The following TXNDC16 variants were observed in gnomAD, a reference collection of about 807,000 sequenced individuals.
The protein encoded by TXNDC16 is thioredoxin domain containing 16.
A neutral mutation model predicts 85.6 loss-of-function variants in TXNDC16; 74 were observed. That is an observed-to-expected ratio of 0.86 (90% CI 0.72 to 1.05). TXNDC16 has a LOEUF of 1.05. Among genes scored for constraint, TXNDC16 ranks in the 50% least tolerant of loss-of-function variants. TXNDC16 has a pLI of 0.00. For synonymous variants in TXNDC16, 335 were observed against 326.5 expected (o/e 1.03, Z -0.28); for missense variants, 959 against 947.0 (o/e 1.01, Z -0.17).
At chr14:52,532,308 G>A (rs552852527) in intron 6 of TXNDC16, among the ~76,000 whole-genome samples, 1 of 152,222 alleles carries the variant, frequency 6.6e-6, no homozygotes, top group South Asian at 2.1e-4. Flanking sequence ...TGAGGCCACA[G>A]TGTGATATAA....
intron 20 of TXNDC16, among the ~76,000 whole-genome samples, chr14:52,437,521 A>AGAAG (rs1251905672): frequency 3.3e-5 from 5 of 152,182 alleles, no homozygotes; most frequent in African/African-American, 1.2e-4. Context: ...ATACCCCATA[A>AGAAG]GCACAAGCAA....
At chr14:52,476,850 A>T (rs902293770) in intron 14 of TXNDC16, among the ~76,000 whole-genome samples, 10 of 152,192 alleles carry the variant, frequency 6.6e-5, no homozygotes, top group Admixed American at 5.9e-4. Flanking sequence ...TCACAAGAAG[A>T]TCAATGCCTA....
intron 6 of TXNDC16, among the ~76,000 whole-genome samples, chr14:52,528,934 CTATAATACCTATTCTATATATTATCTA>C (rs1231379191): frequency 1.4e-4 from 20 of 146,682 alleles, no homozygotes; most frequent in African/African-American, 4.7e-4. Flanking sequence ...TATATATTGT[CTATAATACCTATTCTATATATTATCTA>C]TATAATACCT....
rs112880111 is a variant in TXNDC16, at chr14:52,440,670, A to G, written c.1897T>C (p.Leu633=). 3.8e-4 allele frequency: 618 copies of G among 1,609,998 alleles called. 1 individual carries two copies. In the African/African-American group the frequency reaches 6.5e-3, roughly 17 times the overall value. The change falls in exon 19 of 21, where the codon TTG becomes CTG. Residue 633 remains leucine (L), a synonymous_variant. Transcript: ENST00000281741. ...ACAGTGCCATCACTGAACAAAATCAATAATGGTTTCTGAAGTCTGAAATAA... is the reference window on the plus strand; with the variant it reads ...ACAGTGCCATCACTGAACAAAATCAGTAATGGTTTCTGAAGTCTGAAATAA... ...PSYFRLQKPL[L]ILFSDGTVNP...
intron 6 of TXNDC16, among the ~76,000 whole-genome samples, chr14:52,521,769 T>A (rs1040701338): frequency 1.1e-4 from 17 of 152,310 alleles, no homozygotes; most frequent in African/African-American, 4.1e-4. Flanking sequence ...CTGAGCAGTA[T>A]TCACTATGTG....
intron 10 of TXNDC16, 76 bp from the exon 11 acceptor site, chr14:52,490,527 T>C (rs1242400023): frequency 1.8e-6 from 2 of 1,095,402 alleles, no homozygotes; most frequent in Non-Finnish European, 2.6e-6. Context: ...CAATAGAAAA[T>C]AGAACTACAT....
chr14:52,526,976 G>C (rs183576455), intron 6 of TXNDC16, among the ~76,000 whole-genome samples: 10 of 152,374 alleles, frequency 6.6e-5, no homozygotes, highest in Admixed American at 3.9e-4. Flanking sequence ...TGGCATGCCA[G>C]CGGAGGGCAG....
intron 12 of TXNDC16, among the ~76,000 whole-genome samples, chr14:52,486,300 T>TC (rs2036269071): frequency 1.3e-5 from 2 of 150,188 alleles, no homozygotes; most frequent in Admixed American, 1.3e-4. Flanking sequence ...TTTTTTTTTT[T>TC]TGAGACAGGG....
intron 18 of TXNDC16, among the ~76,000 whole-genome samples, chr14:52,442,670 T>G (rs143906154): frequency 2.1e-3 from 314 of 152,284 alleles, no homozygotes; most frequent in African/African-American, 7.1e-3. Flanking sequence ...AATTCCCCTA[T>G]GCTGTCTTCT....
At chr14:52,533,333 AACCATT>A (rs1276335224) in intron 6 of TXNDC16, among the ~76,000 whole-genome samples, 8 of 152,204 alleles carry the variant, frequency 5.3e-5, no homozygotes, top group African/African-American at 1.7e-4. Flanking sequence ...TTACCAAATT[AACCATT>A]ACCAAGTCCA....
intron 18 of TXNDC16, among the ~76,000 whole-genome samples, chr14:52,454,649 CA>C (rs34727206): frequency 1.0e-3 from 63 of 60,388 alleles, no homozygotes; most frequent in South Asian, 1.8e-3. Context: ...ACTAAAAATA[CA>C]AAAAAAAAAA....
chr14:52,533,318 T>C (rs2037625879), intron 6 of TXNDC16, among the ~76,000 whole-genome samples: 1 of 152,216 alleles, frequency 6.6e-6, no homozygotes, highest in African/African-American at 2.4e-5. Flanking sequence ...TTTGTAGTTT[T>C]ACTGTTACCA....
At chr14:52,497,139 A>G (rs2036550916) in intron 9 of TXNDC16, among the ~76,000 whole-genome samples, 1 of 152,174 alleles carries the variant, frequency 6.6e-6, no homozygotes, top group Admixed American at 6.5e-5. Flanking sequence ...TAAATAACTA[A>G]AATTACTTAA....
chr14:52,481,832 C>T (rs1022293360), intron 14 of TXNDC16, among the ~76,000 whole-genome samples: 18 of 152,044 alleles, frequency 1.2e-4, no homozygotes, highest in African/African-American at 3.9e-4. Context: ...TTCAAGGACA[C>T]GGGGATTTTT....
chr14:52,489,989 A>G (rs1001147163), intron 11 of TXNDC16, among the ~76,000 whole-genome samples: 1 of 151,994 alleles, frequency 6.6e-6, no homozygotes, highest in African/African-American at 2.4e-5. Flanking sequence ...GGCATGCACC[A>G]CCACACCCAG....
intron 12 of TXNDC16, among the ~76,000 whole-genome samples, chr14:52,484,859 C>T (rs1014696237): frequency 2.0e-5 from 3 of 151,476 alleles, no homozygotes; most frequent in Non-Finnish European, 4.4e-5. Flanking sequence ...CCAGCCTGGG[C>T]GACAAAAGTG....
chr14:52,439,490 A>G, intron 19 of TXNDC16, 96 bp from the exon 20 acceptor site: 3 of 1,088,574 alleles, frequency 2.8e-6, no homozygotes, highest in Non-Finnish European at 1.3e-6. Flanking sequence ...AAGTAGTATC[A>G]TGCCAGTAAG....
At chr14:52,542,726 G>GT (rs1426100574) in intron 3 of TXNDC16, among the ~76,000 whole-genome samples, 3 of 151,936 alleles carry the variant, frequency 2.0e-5, no homozygotes, top group Non-Finnish European at 4.4e-5. Flanking sequence ...CTAACATTTG[G>GT]CATTCTTCCT....
At chr14:52,465,086 A>G (rs2035741114) in intron 16 of TXNDC16, among the ~76,000 whole-genome samples, 1 of 152,224 alleles carries the variant, frequency 6.6e-6, no homozygotes, top group African/African-American at 2.4e-5. Flanking sequence ...AAAACAAAGT[A>G]GAAAAAAATT....
Sources: gnomAD v4.1 joint callset for allele counts (sites outside exome capture counted in the v4.1 genomes callset) on GRCh38, gnomAD v4.1.1 for gene constraint, MANE v1.5 for transcripts, NCBI Gene and HGNC (gene_info 2026-07-23, HGNC 2026-07-21) for gene names.